PATJ: variants seen among roughly 807,000 people sequenced by gnomAD.
The protein encoded by PATJ is inaD-like protein.
In PATJ, 190 loss-of-function variants were observed where a neutral mutation model predicts 224.9. The ratio of observed to expected loss-of-function variants is 0.84; its 90% CI spans 0.75 to 0.95. The LOEUF (loss-of-function observed/expected upper bound fraction) is 0.95. PATJ is among the 40% of genes least tolerant of loss of function. The pLI is 0.00. For missense variants in PATJ, 2,121 were observed against 2,270.3 expected (o/e 0.93, Z 1.34); for synonymous variants, 769 against 820.3 (o/e 0.94, Z 1.07).
intron 27 of PATJ, among the ~76,000 whole-genome samples, chr1:61,943,248 C>A (rs1678093790): frequency 6.6e-6 from 1 of 152,186 alleles, no homozygotes; most frequent in African/African-American, 2.4e-5. Context: ...GTTCATCTCA[C>A]AGGGGCTTGT....
At chr1:61,788,905 C>G (rs1649174506) in intron 8 of PATJ, among the ~76,000 whole-genome samples, 1 of 152,124 alleles carries the variant, frequency 6.6e-6, no homozygotes, top group Non-Finnish European at 1.5e-5. Flanking sequence ...AACTCCCAAC[C>G]TCAGGTGATC....
At position 61,745,522 on chromosome 1, in the gene PATJ, T is replaced by C. The variant is rs1403501517; in HGVS notation, c.-36+2967T>C. Among the ~76,000 whole-genome samples, 5 of 149,074 alleles carry C rather than the reference T, an allele frequency of 3.4e-5. No homozygotes were observed. The East Asian group carries it at 8.2e-4, about 24-fold the overall frequency. On this transcript the variant is annotated intron_variant, in intron 1 of 43. Coordinates refer to ENST00000642238, the MANE Select transcript of PATJ (RefSeq NM_001350145.3). ...CTCCTGACCTCAAGTGATCCACCTG[T>C]CTTGGCCTCCCAAAGTGCTGGGATT...
chr1:62,019,500 C>T (rs1646957919), intron 29 of PATJ, among the ~76,000 whole-genome samples: 1 of 151,500 alleles, frequency 6.6e-6, no homozygotes, highest in Admixed American at 6.6e-5. Flanking sequence ...ACCTGGTTGA[C>T]AAAGCGAGTC....
rs150859676 is a variant in PATJ at position 61,960,158 on chromosome 1, G to T, written c.3671-30010G>T. ...TTAGTGGTTAAGAGCATGGGATTTG[G>T]AGTCATGCAATTTTAGCCCCAGATC... On this transcript the variant is annotated intron_variant, in intron 27 of 43. Coordinates refer to ENST00000642238, the MANE Select transcript of PATJ (RefSeq NM_001350145.3). Among the ~76,000 whole-genome samples the T allele has an allele frequency of 7.9e-5, 12 of 152,224 alleles. No individual in the cohort carries two copies. The East Asian group carries it at 2.1e-3, about 27-fold the overall frequency.
chr1:61,870,440 A>G (rs1306469848), intron 20 of PATJ, among the ~76,000 whole-genome samples: 1 of 152,142 alleles, frequency 6.6e-6, no homozygotes, highest in South Asian at 2.1e-4. Context: ...GGGCGAGGGC[A>G]TGGGTGGTTT....
At chr1:61,835,610 G>C (rs1415086083) in intron 17 of PATJ, among the ~76,000 whole-genome samples, 1 of 151,978 alleles carries the variant, frequency 6.6e-6, no homozygotes, top group Non-Finnish European at 1.5e-5. Flanking sequence ...CACCATTTTG[G>C]CCAGGCTAGT....
intron 20 of PATJ, chr1:61,865,288 A>C (rs959358801): frequency 6.9e-6 from 1 of 145,204 alleles, no homozygotes; most frequent in South Asian, 2.1e-4. Context: ...TGGCATATTC[A>C]TGGCTCACTG....
At chr1:62,090,395 C>T (rs1042702095) in intron 33 of PATJ, among the ~76,000 whole-genome samples, 5 of 152,118 alleles carry the variant, frequency 3.3e-5, no homozygotes, top group Non-Finnish European at 5.9e-5. Flanking sequence ...GAAGAGCTCA[C>T]ACAGTCGTTC....
At chr1:62,083,970 T>A (rs1483648321) in intron 32 of PATJ, among the ~76,000 whole-genome samples, 2 of 152,202 alleles carry the variant, frequency 1.3e-5, no homozygotes, top group Non-Finnish European at 2.9e-5. Flanking sequence ...TTTAAAACTT[T>A]TAGCCAGGTG....
At chr1:62,070,809 T>C (rs930966977) in intron 31 of PATJ, among the ~76,000 whole-genome samples, 1 of 152,192 alleles carries the variant, frequency 6.6e-6, no homozygotes, top group African/African-American at 2.4e-5. Flanking sequence ...GGCAGCTAAG[T>C]GTAGGCATGG....
At chr1:61,952,253 TGA>T (rs111315851) in intron 27 of PATJ, 3,117 of 463,590 alleles carry the variant, frequency 6.7e-3, no homozygotes, top group South Asian at 0.016. Flanking sequence ...GAACAAAATC[TGA>T]GAGAGAGAGA....
At chr1:62,049,906 G>T (rs949045671) in intron 30 of PATJ, among the ~76,000 whole-genome samples, 1 of 152,012 alleles carries the variant, frequency 6.6e-6, no homozygotes, top group Non-Finnish European at 1.5e-5. Context: ...ATCACTTGAC[G>T]TCAGGAGTTC....
At chr1:62,114,811 A>T (rs1420649291) in intron 35 of PATJ, 1 of 153,528 alleles carries the variant, frequency 6.5e-6, no homozygotes, top group African/African-American at 2.4e-5. Flanking sequence ...AGATCACTTG[A>T]GGCCAGGAGT....
chr1:61,858,388 A>G (rs1664033550), intron 18 of PATJ, among the ~76,000 whole-genome samples: 1 of 152,092 alleles, frequency 6.6e-6, no homozygotes, highest in Non-Finnish European at 1.5e-5. Context: ...TTGGCCTTCA[A>G]GTAGCTGGGA....
rs185050840 is a variant in PATJ at position 61,958,891 on chromosome 1, T to C, written c.3670+31062T>C. ...TCCTGTGATTTTTAGGGGGAGTGGA[T>C]GTTCTGTTTTGTTAGGGCAGATAAA... On this transcript the variant is annotated intron_variant, in intron 27 of 43. Transcript: ENST00000642238. 4.4e-4 allele frequency among the ~76,000 whole-genome samples: 67 copies of C among 152,300 alleles called. 1 individual carries two copies. The highest frequency in any genetic ancestry group is 9.2e-4 in the Admixed American group (14 of 15,294).
chr1:62,053,330 T>C (rs1474131735), intron 31 of PATJ, among the ~76,000 whole-genome samples: 1 of 152,240 alleles, frequency 6.6e-6, no homozygotes, highest in Non-Finnish European at 1.5e-5. Context: ...CTGTTTGCAG[T>C]AGAATCTCTG....
intron 42 of PATJ, among the ~76,000 whole-genome samples, chr1:62,151,049 G>C (rs1483449528): frequency 6.6e-6 from 1 of 151,838 alleles, no homozygotes; most frequent in Non-Finnish European, 1.5e-5. Flanking sequence ...TGAGGCAGGA[G>C]AATCACTTGA....
In PATJ at chr1:62,161,096, A is replaced by G. The variant is rs992927819; in HGVS notation, c.*42A>G. On this transcript the variant is annotated 3_prime_UTR_variant, in exon 44 of 44. Coordinates refer to ENST00000642238, the MANE Select transcript of PATJ (RefSeq NM_001350145.3). ...CAAGATAGATGTTGTTGTTTAGAAT[A>G]TCCACAGGCAGATGAAGTTCTGAGT... 59 of 1,367,064 alleles carry G rather than the reference A, an allele frequency of 4.3e-5. 2 individuals carry two copies. The South Asian group carries it at 1.2e-3, about 27-fold the overall frequency. 84.7% of individuals were successfully genotyped at this position (1,367,064 alleles called of 1,614,324 possible).
chr1:62,097,206 C>G (rs1661495007), intron 33 of PATJ, among the ~76,000 whole-genome samples: 1 of 152,130 alleles, frequency 6.6e-6, no homozygotes, highest in Admixed American at 6.5e-5. Context: ...GTACTCTTCC[C>G]AGCATACATT....
Sources: gnomAD v4.1 joint callset for allele counts (sites outside exome capture counted in the v4.1 genomes callset) on GRCh38, gnomAD v4.1.1 for gene constraint, MANE v1.5 for transcripts, NCBI Gene and HGNC (gene_info 2026-07-23, HGNC 2026-07-21) for gene names.